AFG2A: variants seen among roughly 807,000 people sequenced by gnomAD.
The protein encoded by AFG2A is ATPase family gene 2 protein homolog A.
chr4:122,991,599 A>G, the AFG2A span, among the ~76,000 whole-genome samples: 2 of 152,220 alleles, frequency 1.3e-5, no homozygotes, highest in Non-Finnish European at 2.9e-5. Flanking sequence ...AAGGATGCAT[A>G]TACTTGTTAA....
the AFG2A span, among the ~76,000 whole-genome samples, chr4:123,049,592 C>T: frequency 6.6e-6 from 1 of 151,708 alleles, no homozygotes; most frequent in African/African-American, 2.4e-5. Flanking sequence ...TTATTCAATT[C>T]TTTTAGATTT....
chr4:123,319,209 G>C, the AFG2A span: 1 of 152,052 alleles, frequency 6.6e-6, no homozygotes, highest in Non-Finnish European at 1.5e-5. Context: ...AACCAAACTT[G>C]AACATATGTT....
the AFG2A span, among the ~76,000 whole-genome samples, chr4:122,925,410 T>C: frequency 1.3e-5 from 2 of 152,186 alleles, no homozygotes; most frequent in Non-Finnish European, 1.5e-5. Flanking sequence ...GGGCTCCCAC[T>C]GCTGTCAGAG....
chr4:122,979,203 A>C, the AFG2A span: 13 of 1,606,588 alleles, frequency 8.1e-6, no homozygotes, highest in Non-Finnish European at 1.1e-5. Context: ...GGAAAAGACA[A>C]ATCTTGTGTT....
the AFG2A span, among the ~76,000 whole-genome samples, chr4:123,195,821 AC>A: frequency 2.0e-5 from 3 of 151,920 alleles, no homozygotes; most frequent in Non-Finnish European, 4.4e-5. Flanking sequence ...AGAAACCAAT[AC>A]CCCTTCCCAA....
the AFG2A span, among the ~76,000 whole-genome samples, chr4:123,131,157 T>TA: frequency 6.6e-6 from 1 of 152,162 alleles, no homozygotes; most frequent in Non-Finnish European, 1.5e-5. Flanking sequence ...TCGAGCATAT[T>TA]ACAAACCTTC....
At chr4:123,012,337 C>A in the AFG2A span, among the ~76,000 whole-genome samples, 2 of 144,362 alleles carry the variant, frequency 1.4e-5, no homozygotes, top group Admixed American at 1.4e-4. Flanking sequence ...GGGTGCTTGC[C>A]CCCCAGGAAA....
At chr4:123,155,569 G>T in the AFG2A span, among the ~76,000 whole-genome samples, 1 of 151,924 alleles carries the variant, frequency 6.6e-6, no homozygotes, top group Non-Finnish European at 1.5e-5. Flanking sequence ...GAAAATATTT[G>T]GGGTCGGGGA....
chr4:123,035,458 A>G, the AFG2A span, among the ~76,000 whole-genome samples: 138 of 152,294 alleles, frequency 9.1e-4, no homozygotes, highest in Admixed American at 5.4e-3. Context: ...ATTAACATCA[A>G]TATTAAACAA....
chr4:123,119,461 G>A, the AFG2A span, among the ~76,000 whole-genome samples: 2 of 152,116 alleles, frequency 1.3e-5, no homozygotes, highest in Non-Finnish European at 2.9e-5. Flanking sequence ...AAGAGTCTAG[G>A]AAGTGACATA....
the AFG2A span, chr4:123,317,220 G>A: frequency 1.1e-4 from 8 of 75,174 alleles, no homozygotes; most frequent in Non-Finnish European, 1.9e-4. Context: ...GTGAGACTCC[G>A]TCTCAAAAAA....
At chr4:123,200,622 A>G in the AFG2A span, among the ~76,000 whole-genome samples, 2 of 152,116 alleles carry the variant, frequency 1.3e-5, no homozygotes, top group East Asian at 1.9e-4. Context: ...AGCTCTTTTC[A>G]TTGTTTGAGT....
the AFG2A span, among the ~76,000 whole-genome samples, chr4:123,114,071 T>C: frequency 6.6e-6 from 1 of 151,776 alleles, no homozygotes; most frequent in African/African-American, 2.4e-5. Context: ...TCCTCTCTGA[T>C]GTTGATCATC....
the AFG2A span, among the ~76,000 whole-genome samples, chr4:123,004,405 C>G: frequency 6.6e-6 from 1 of 152,244 alleles, no homozygotes; most frequent in Non-Finnish European, 1.5e-5. Flanking sequence ...CTGCGTTGCT[C>G]ACGCTGGGAG....
At chr4:123,264,247 C>T in the AFG2A span, among the ~76,000 whole-genome samples, 2 of 152,232 alleles carry the variant, frequency 1.3e-5, no homozygotes, top group Non-Finnish European at 2.9e-5. Flanking sequence ...AAAGACTACA[C>T]ATTGGGTACA....
At chr4:122,972,434 T>A in the AFG2A span, among the ~76,000 whole-genome samples, 1 of 152,182 alleles carries the variant, frequency 6.6e-6, no homozygotes, top group African/African-American at 2.4e-5. Flanking sequence ...TTACTTTTTT[T>A]AATTGTGCAT....
chr4:123,305,299 G>A, the AFG2A span, among the ~76,000 whole-genome samples: 1 of 152,092 alleles, frequency 6.6e-6, no homozygotes, highest in Non-Finnish European at 1.5e-5. Context: ...TTAGAATTTC[G>A]GCATCCCTAT....
the AFG2A span, among the ~76,000 whole-genome samples, chr4:123,189,990 G>A: frequency 6.6e-6 from 1 of 151,338 alleles, no homozygotes; most frequent in African/African-American, 2.4e-5. Flanking sequence ...TTAAGAGACA[G>A]GGTCTCCCTG....
At chr4:123,174,265 CAA>C in the AFG2A span, among the ~76,000 whole-genome samples, 5 of 152,180 alleles carry the variant, frequency 3.3e-5, no homozygotes, top group African/African-American at 1.2e-4. Context: ...ATTAACCTAA[CAA>C]AAAATTATAA....
Sources: allele counts gnomAD v4.1 joint callset (sites outside exome capture counted in the v4.1 genomes callset), GRCh38; gene constraint gnomAD v4.1.1; transcripts MANE v1.5; gene names NCBI Gene and HGNC (gene_info 2026-07-23, HGNC 2026-07-21).